Variants in H3C11 observed in about 807,000 individuals in gnomAD.
H3C11 encodes H3 clustered histone 11, also known as histone H3.1.
A neutral mutation model predicts 9.1 loss-of-function variants in H3C11; 10 were observed. That is an observed-to-expected ratio of 1.10 (90% CI 0.68 to 1.86). H3C11 has a LOEUF of 1.86. Among genes scored for constraint, H3C11 ranks in the 40% most tolerant of loss-of-function variants. H3C11 has a pLI of 0.00. For missense variants in H3C11, 197 were observed against 192.5 expected (o/e 1.02, Z -0.14); for synonymous variants, 132 against 82.4 (o/e 1.60, Z -3.26).
chr6:27,872,087 G>A lies in H3C11; in HGVS notation c.229C>T (p.Gln77Ter). The A allele has an allele frequency of 6.2e-7, 1 of 1,614,224 alleles. No homozygotes were observed. Among genetic ancestry groups the A allele is most frequent in the African/African-American group, 1.3e-5 (1 of 75,070 alleles). ...AAGCGCAGATCGGTCTTAAAGTCCT[G>A]TGCGATCTCCCGTACCAAGCGCTGA... ...PFQRLVREIA[Q>*]DFKTDLRFQS... is the part of the protein sequence containing the mutation. The change falls in exon 1 of 1, where the codon CAG becomes TAG. Residue 77 changes from glutamine (Q) to a stop codon, truncating the protein, a stop_gained. Transcript: ENST00000616365. LOFTEE classifies it high-confidence loss of function.
Position 27,872,103 on chromosome 6 carries a change from C to T in H3C11, c.213G>A (p.Leu71=). ...LLIRKLPFQR[L]VREIAQDFKT... ...TAAAGTCCTGTGCGATCTCCCGTAC[C>T]AAGCGCTGAAAAGGTAGCTTCCGGA... is the stretch of plus-strand genomic sequence containing the variant. The change falls in exon 1 of 1, where the codon TTG becomes TTA. Residue 71 remains leucine, a synonymous_variant. Transcript: ENST00000616365. The T allele has an allele frequency of 6.2e-7, 1 of 1,614,210 alleles. No individual in the cohort carries two copies. The highest frequency in any genetic ancestry group is 8.5e-7 in the Non-Finnish European group (1 of 1,180,046).
chr6:27,872,189 G>A lies in H3C11; in HGVS notation c.127C>T (p.Arg43Cys), dbSNP rs1761624106. The A allele has an allele frequency of 3.1e-6, 5 of 1,613,784 alleles. No homozygotes were observed. Among genetic ancestry groups the A allele is most frequent in the Non-Finnish European group, 4.2e-6 (5 of 1,179,798 alleles). Reference protein sequence around the residue: ...TGGVKKPHRYRPGTVALREIR... With the variant: ...TGGVKKPHRYCPGTVALREIR... ...TCGCGCAGGGCCACGGTGCCGGGGC[G>A]GTAGCGGTGGGGCTTCTTGACGCCA... Residue 43 changes from arginine to cysteine, a missense_variant, in exon 1 of 1, where the codon CGC becomes TGC. Arg to Cys is a radical substitution (Grantham distance 180). Coordinates refer to ENST00000616365, the MANE Select transcript of H3C11 (RefSeq NM_003533.3).
rs1761622745 is a variant in H3C11 at position 27,872,160 on chromosome 6, G to A, written c.156C>T (p.Ile52=). Residue 52 remains isoleucine, a synonymous_variant, in exon 1 of 1, where the codon ATC becomes ATT. Coordinates refer to ENST00000616365, the MANE Select transcript of H3C11 (RefSeq NM_003533.3). ...YRPGTVALRE[I]RRYQKSTELL... ...GCTCGGTCGACTTCTGGTAGCGGCGGATCTCGCGCAGGGCCACGGTGCCGG... is the reference window on the plus strand; with the variant it reads ...GCTCGGTCGACTTCTGGTAGCGGCGAATCTCGCGCAGGGCCACGGTGCCGG... 3.7e-6 allele frequency: 6 copies of A among 1,614,042 alleles called. No individual in the cohort carries two copies. Among genetic ancestry groups the A allele is most frequent in the Non-Finnish European group, 5.1e-6 (6 of 1,180,026 alleles).
At position 27,871,933 on chromosome 6, in the gene H3C11, G is replaced by T. The variant is rs747419710; in HGVS notation, c.383C>A (p.Ala128Glu). The T allele has an allele frequency of 1.2e-6, 2 of 1,613,956 alleles. No individual in the cohort carries two copies. Among genetic ancestry groups the T allele is most frequent in the South Asian group, 1.1e-5 (1 of 91,078 alleles). ...VTIMPKDIQL[A>E]RRIRGERA ...TGCCCTCTCCCCTCGGATGCGGCGC[G>T]CAAGCTGGATGTCTTTAGGCATAAT... Residue 128 changes from alanine (A) to glutamate (E), a missense_variant, in exon 1 of 1, where the codon GCG becomes GAG. Ala to Glu is a moderately radical substitution (Grantham distance 107). Coordinates refer to ENST00000616365, the MANE Select transcript of H3C11 (RefSeq NM_003533.3).
rs1469620010 is a variant in H3C11, at chr6:27,872,221, G to A, written c.95C>T (p.Ala32Val). 1.2e-6 allele frequency: 2 copies of A among 1,613,004 alleles called. No individual in the cohort carries two copies. Among genetic ancestry groups the A allele is most frequent in the South Asian group, 1.1e-5 (1 of 91,012 alleles). ...GTGGGGCTTCTTGACGCCACCGGTG[G>A]CCGGAGCGCTCTTGCGAGCCGCCTT... ...ATKAARKSAP[A>V]TGGVKKPHRY... Residue 32 changes from alanine (A) to valine (V), a missense_variant, in exon 1 of 1, where the codon GCC becomes GTC. Ala to Val is a moderately conservative substitution (Grantham distance 64). Coordinates refer to ENST00000616365, the MANE Select transcript of H3C11 (RefSeq NM_003533.3).
Position 27,872,267 on chromosome 6 carries a change from G to C in H3C11, c.49C>G (p.Pro17Ala). The change falls in exon 1 of 1, where the codon CCG becomes GCG. Residue 17 changes from proline (P) to alanine (A), a missense_variant. Physicochemically the swap from Pro to Ala is conservative, Grantham distance 27. Coordinates refer to ENST00000616365, the MANE Select transcript of H3C11 (RefSeq NM_003533.3). Reference sequence around the variant, plus strand: ...GCCTTGGTGGCCAGCTGCTTGCGCGGCGCTTTGCCGCCGGTGGACTTGCGA... The same window carrying C: ...GCCTTGGTGGCCAGCTGCTTGCGCGCCGCTTTGCCGCCGGTGGACTTGCGA... ...TARKSTGGKA[P>A]RKQLATKAAR... The C allele has an allele frequency of 3.7e-6, 6 of 1,611,772 alleles. No individual in the cohort carries two copies. The highest frequency in any genetic ancestry group is 5.1e-6 in the Non-Finnish European group (6 of 1,179,352).
Position 27,872,159 on chromosome 6 carries a change from G to A in H3C11, c.157C>T (p.Arg53Cys). 1 of 1,614,134 alleles carries A rather than the reference G, an allele frequency of 6.2e-7. No individual in the cohort carries two copies. The highest frequency in any genetic ancestry group is 8.5e-7 in the Non-Finnish European group (1 of 1,180,004). Residue 53 changes from arginine to cysteine, a missense_variant, in exon 1 of 1, where the codon CGC becomes TGC. Transcript: ENST00000616365. ...AGCTCGGTCGACTTCTGGTAGCGGC[G>A]GATCTCGCGCAGGGCCACGGTGCCG... is the stretch of plus-strand genomic sequence containing the variant. The part of the protein sequence containing the change: ...RPGTVALREI[R>C]RYQKSTELLI...
In H3C11 at chr6:27,872,179, G is replaced by T. The variant is rs776497019; in HGVS notation, c.137C>A (p.Thr46Asn). The change falls in exon 1 of 1, where the codon ACC becomes AAC. Residue 46 changes from threonine to asparagine, a missense_variant. By Grantham distance (65) the Thr-to-Asn change is moderately conservative. Transcript: ENST00000616365. ...VKKPHRYRPG[T>N]VALREIRRYQ... Reference sequence around the variant, plus strand: ...GCGGCGGATCTCGCGCAGGGCCACGGTGCCGGGGCGGTAGCGGTGGGGCTT... The same window carrying T: ...GCGGCGGATCTCGCGCAGGGCCACGTTGCCGGGGCGGTAGCGGTGGGGCTT... 6.2e-7 allele frequency: 1 copy of T among 1,614,006 alleles called. No individual in the cohort carries two copies.
chr6:27,872,016 G>A lies in H3C11; in HGVS notation c.300C>T (p.Tyr100=), dbSNP rs1761619063. The change falls in exon 1 of 1, where the codon TAC becomes TAT. Residue 100 remains tyrosine (Y), a synonymous_variant. Transcript: ENST00000616365. The part of the protein sequence containing the change: ...VMALQEACEA[Y]LVGLFEDTNL... ...TGGTATCCTCAAATAGCCCCACCAGGTAGGCCTCGCAAGCCTCCTGCAGCG... is the reference window on the plus strand; with the variant it reads ...TGGTATCCTCAAATAGCCCCACCAGATAGGCCTCGCAAGCCTCCTGCAGCG... 9 of 1,614,258 alleles carry A rather than the reference G, an allele frequency of 5.6e-6. No individual in the cohort carries two copies. Among genetic ancestry groups the A allele is most frequent in the South Asian group, 1.1e-5 (1 of 91,086 alleles).
rs145876619 is a variant in H3C11, at chr6:27,871,882, A to C, written c.*23T>G. 5,798 of 1,598,490 alleles carry C rather than the reference A, an allele frequency of 3.6e-3. 20 individuals are homozygous for C. The highest frequency in any genetic ancestry group is 8.0e-3 in the South Asian group (713 of 89,244). ...AAAAGAGCCTTTTGGGGTTGGACAG[A>C]CTTCTTGGGCTGATAGGAATATTTA... On this transcript the variant is annotated 3_prime_UTR_variant, in exon 1 of 1. Transcript: ENST00000616365.
rs2113569976 is a variant in H3C11 at position 27,871,982 on chromosome 6, C to T, written c.334G>A (p.Ala112Thr). The T allele has an allele frequency of 6.2e-7, 1 of 1,614,240 alleles. No individual in the cohort carries two copies. The highest frequency in any genetic ancestry group is 8.5e-7 in the Non-Finnish European group (1 of 1,180,032). ...VGLFEDTNLC[A>T]IHAKRVTIMP... is the part of the protein sequence containing the mutation. Reference sequence around the variant, plus strand: ...ATAGTGACGCGTTTGGCGTGAATGGCGCACAGGTTGGTATCCTCAAATAGC... The same window carrying T: ...ATAGTGACGCGTTTGGCGTGAATGGTGCACAGGTTGGTATCCTCAAATAGC... The change falls in exon 1 of 1, where the codon GCC (alanine) becomes ACC (threonine). Residue 112 changes from alanine to threonine, a missense_variant. Ala to Thr is a moderately conservative substitution (Grantham distance 58, BLOSUM62 0). Transcript: ENST00000616365.
rs1761624060 is a variant in H3C11, at chr6:27,872,188, C to G, written c.128G>C (p.Arg43Pro). The change falls in exon 1 of 1, where the codon CGC becomes CCC. Residue 43 changes from arginine (R) to proline (P), a missense_variant. By Grantham distance (103) the Arg-to-Pro change is moderately radical. Coordinates refer to ENST00000616365, the MANE Select transcript of H3C11 (RefSeq NM_003533.3). ...TGGVKKPHRYRPGTVALREIR... is the reference protein window; with the variant it reads ...TGGVKKPHRYPPGTVALREIR... ...CTCGCGCAGGGCCACGGTGCCGGGGCGGTAGCGGTGGGGCTTCTTGACGCC... is the reference window on the plus strand; with the variant it reads ...CTCGCGCAGGGCCACGGTGCCGGGGGGGTAGCGGTGGGGCTTCTTGACGCC... The G allele has an allele frequency of 6.2e-7, 1 of 1,613,664 alleles. No homozygotes were observed. Among genetic ancestry groups the G allele is most frequent in the Admixed American group, 1.7e-5 (1 of 59,976 alleles).
At position 27,872,107 on chromosome 6, in the gene H3C11, C is replaced by T; in HGVS notation, c.209G>A (p.Arg70His). 1.2e-6 allele frequency: 2 copies of T among 1,614,200 alleles called. No homozygotes were observed. The highest frequency in any genetic ancestry group is 1.3e-5 in the African/African-American group (1 of 75,052). ...GTCCTGTGCGATCTCCCGTACCAAG[C>T]GCTGAAAAGGTAGCTTCCGGATTAG... ...ELLIRKLPFQ[R>H]LVREIAQDFK... The change falls in exon 1 of 1, where the codon CGC becomes CAC. Residue 70 changes from arginine to histidine, a missense_variant. Coordinates refer to ENST00000616365, the MANE Select transcript of H3C11 (RefSeq NM_003533.3).
chr6:27,871,981 G>A lies in H3C11; in HGVS notation c.335C>T (p.Ala112Val). 1 of 1,614,232 alleles carries A rather than the reference G, an allele frequency of 6.2e-7. No homozygotes were observed. Among genetic ancestry groups the A allele is most frequent in the South Asian group, 1.1e-5 (1 of 91,086 alleles). Residue 112 changes from alanine (A) to valine (V), a missense_variant, in exon 1 of 1, where the codon GCC (alanine) becomes GTC (valine). Physicochemically the swap from Ala to Val is moderately conservative, Grantham distance 64. Coordinates refer to ENST00000616365, the MANE Select transcript of H3C11 (RefSeq NM_003533.3). ...VGLFEDTNLC[A>V]IHAKRVTIMP... ...AATAGTGACGCGTTTGGCGTGAATG[G>A]CGCACAGGTTGGTATCCTCAAATAG...
chr6:27,872,103 C>A lies in H3C11; in HGVS notation c.213G>T (p.Leu71Phe), dbSNP rs757982209. Residue 71 changes from leucine (L) to phenylalanine (F), a missense_variant, in exon 1 of 1, where the codon TTG becomes TTT. Coordinates refer to ENST00000616365, the MANE Select transcript of H3C11 (RefSeq NM_003533.3). ...LLIRKLPFQRLVREIAQDFKT... is the reference protein window; with the variant it reads ...LLIRKLPFQRFVREIAQDFKT... ...TAAAGTCCTGTGCGATCTCCCGTAC[C>A]AAGCGCTGAAAAGGTAGCTTCCGGA... The A allele has an allele frequency of 1.2e-6, 2 of 1,614,210 alleles. No homozygotes were observed. Among genetic ancestry groups the A allele is most frequent in the Non-Finnish European group, 1.7e-6 (2 of 1,180,046 alleles).
In H3C11 at chr6:27,871,919, C is replaced by T; in HGVS notation, c.397G>A (p.Gly133Arg). Residue 133 changes from glycine to arginine, a missense_variant, in exon 1 of 1, where the codon GGG becomes AGG. Transcript: ENST00000616365. ...GATAGGAATATTTATGCCCTCTCCC[C>T]TCGGATGCGGCGCGCAAGCTGGATG... ...KDIQLARRIRGERA is the reference protein window; with the variant it reads ...KDIQLARRIRRERA 1 of 1,613,794 alleles carries T rather than the reference C, an allele frequency of 6.2e-7. No homozygotes were observed. The highest frequency in any genetic ancestry group is 8.5e-7 in the Non-Finnish European group (1 of 1,179,724).
At position 27,871,909 on chromosome 6, in the gene H3C11, G is replaced by A; in HGVS notation, c.407C>T (p.Ala136Val). Residue 136 changes from alanine to valine, a missense_variant, in exon 1 of 1, where the codon GCA becomes GTA. Transcript: ENST00000616365. ...QLARRIRGERA is the reference protein window; with the variant it reads ...QLARRIRGERV Reference sequence around the variant, plus strand: ...TTCTTGGGCTGATAGGAATATTTATGCCCTCTCCCCTCGGATGCGGCGCGC... The same window carrying A: ...TTCTTGGGCTGATAGGAATATTTATACCCTCTCCCCTCGGATGCGGCGCGC... 1.2e-6 allele frequency: 2 copies of A among 1,612,876 alleles called. No homozygotes were observed. The highest frequency in any genetic ancestry group is 8.5e-7 in the Non-Finnish European group (1 of 1,179,176).
rs758539201 is a variant in H3C11, at chr6:27,872,091, G to C, written c.225C>G (p.Ile75Met). The C allele has an allele frequency of 5.0e-6, 8 of 1,614,090 alleles. No homozygotes were observed. The Admixed American group carries it at 8.3e-5, about 17-fold the overall frequency. The change falls in exon 1 of 1, where the codon ATC becomes ATG. Residue 75 changes from isoleucine (I) to methionine (M), a missense_variant. Coordinates refer to ENST00000616365, the MANE Select transcript of H3C11 (RefSeq NM_003533.3). ...KLPFQRLVREIAQDFKTDLRF... is the reference protein window; with the variant it reads ...KLPFQRLVREMAQDFKTDLRF... ...GCAGATCGGTCTTAAAGTCCTGTGCGATCTCCCGTACCAAGCGCTGAAAAG... is the reference window on the plus strand; with the variant it reads ...GCAGATCGGTCTTAAAGTCCTGTGCCATCTCCCGTACCAAGCGCTGAAAAG...
At position 27,872,153 on chromosome 6, in the gene H3C11, A is replaced by G. The variant is rs1214408667; in HGVS notation, c.163T>C (p.Tyr55His). The part of the protein sequence containing the change: ...GTVALREIRR[Y>H]QKSTELLIRK... ...ATTAGCAGCTCGGTCGACTTCTGGT[A>G]GCGGCGGATCTCGCGCAGGGCCACG... Residue 55 changes from tyrosine to histidine, a missense_variant, in exon 1 of 1, where the codon TAC becomes CAC. By Grantham distance (83) the Tyr-to-His change is moderately conservative. Coordinates refer to ENST00000616365, the MANE Select transcript of H3C11 (RefSeq NM_003533.3). 2 of 1,614,062 alleles carry G rather than the reference A, an allele frequency of 1.2e-6. No individual in the cohort carries two copies. Among genetic ancestry groups the G allele is most frequent in the Admixed American group, 1.7e-5 (1 of 60,012 alleles).
Sources: gnomAD v4.1 joint callset for allele counts on GRCh38, gnomAD v4.1.1 for gene constraint, MANE v1.5 for transcripts, NCBI Gene and HGNC (gene_info 2026-07-23, HGNC 2026-07-21) for gene names.